GLUD1: variants seen among roughly 807,000 people sequenced by gnomAD.
The protein encoded by GLUD1 is glutamate dehydrogenase 1, also known as glutamate dehydrogenase 1, mitochondrial.
In GLUD1, 22 loss-of-function variants were observed where a neutral mutation model predicts 56.0. That is an observed-to-expected ratio of 0.39 (90% CI 0.28 to 0.56). The LOEUF is 0.56. Among genes scored for constraint, GLUD1 ranks in the 20% least tolerant of loss-of-function variants. GLUD1 has a pLI of 0.58. For synonymous variants in GLUD1, 223 were observed against 269.9 expected (o/e 0.83, Z 1.70); for missense variants, 451 against 732.0 (o/e 0.62, Z 4.43).
At chr10:87,056,807 CCATTGTTTTTGTTAATA>C (rs1358592963) in intron 11 of GLUD1, among the ~76,000 whole-genome samples, 1 of 151,918 alleles carries the variant, frequency 6.6e-6, no homozygotes, top group Non-Finnish European at 1.5e-5. Context: ...AACATAAGAT[CCATTGTTTTTGTTAATA>C]CATTAAAAAA....
At chr10:87,077,634 G>C (rs1215788528) in intron 1 of GLUD1, among the ~76,000 whole-genome samples, 1 of 151,132 alleles carries the variant, frequency 6.6e-6, no homozygotes, top group Non-Finnish European at 1.5e-5. Context: ...CCACAGCTTT[G>C]GCTTTGGGGG....
intron 1 of GLUD1, among the ~76,000 whole-genome samples, chr10:87,085,261 G>A (rs996886598): frequency 6.7e-5 from 10 of 149,444 alleles, no homozygotes; most frequent in African/African-American, 2.5e-4. Flanking sequence ...CAGGAGAATC[G>A]CTTAAACCTG....
intron 12 of GLUD1, among the ~76,000 whole-genome samples, 175 bp downstream of exon 12, chr10:87,053,167 T>C (rs1474727476): frequency 6.6e-6 from 1 of 152,186 alleles, no homozygotes; most frequent in Non-Finnish European, 1.5e-5. Flanking sequence ...TTGAAGACTC[T>C]AAAAAATTGC....
chr10:87,051,845 T>C lies in GLUD1; in HGVS notation c.1583A>G (p.Tyr528Cys). 2 of 1,614,190 alleles carry C rather than the reference T, an allele frequency of 1.2e-6. No individual in the cohort carries two copies. The highest frequency in any genetic ancestry group is 2.7e-5 in the African/African-American group (2 of 75,072). The change falls in exon 13 of 13, where the codon TAT becomes TGT. Residue 528 changes from tyrosine (Y) to cysteine (C), a missense_variant. Physicochemically the swap from Tyr to Cys is radical, Grantham distance 194. Coordinates refer to ENST00000277865, the MANE Select transcript of GLUD1 (RefSeq NM_005271.5). ...ARQIMRTAMK[Y>C]NLGLDLRTAA... The stretch of plus-strand genomic sequence containing the variant: ...TGTTCTCAGGTCCAATCCCAGGTTA[T>C]ACTTCATGGCTGTGCGCATAATTTG...
rs1283256655 is a variant in GLUD1, at chr10:87,059,462, C to A, written c.1279-189G>T. Among the ~76,000 whole-genome samples the A allele has an allele frequency of 3.0e-5, 4 of 131,440 alleles. No individual in the cohort carries two copies. In the East Asian group the frequency reaches 9.0e-4, roughly 30 times the overall value. 86.2% of individuals were successfully genotyped at this position (131,440 alleles called of 152,430 possible). Reference sequence around the variant, plus strand: ...CCATCCCACCCAATTCCATCTAAGGCTTTTTCTATTTAGGAAAAAAAAAAA... The same window carrying A: ...CCATCCCACCCAATTCCATCTAAGGATTTTTCTATTTAGGAAAAAAAAAAA... On this transcript the variant is annotated intron_variant, in intron 9 of 12. Transcript: ENST00000277865.
At chr10:87,057,918 G>A (rs1845830134) in intron 10 of GLUD1, 136 bp from the exon 11 acceptor site, 2 of 646,738 alleles carry the variant, frequency 3.1e-6, no homozygotes, top group African/African-American at 1.8e-5. Flanking sequence ...ACCCAGGCTG[G>A]AGTGTAGAGG....
chr10:87,081,597 T>C (rs547877978), intron 1 of GLUD1, among the ~76,000 whole-genome samples: 59 of 152,252 alleles, frequency 3.9e-4, no homozygotes, highest in Admixed American at 3.3e-3. Context: ...TTTTGTTCTG[T>C]ACTAAGAAAA....
intron 1 of GLUD1, among the ~76,000 whole-genome samples, chr10:87,087,086 A>C (rs527391951): frequency 6.6e-6 from 1 of 152,318 alleles, no homozygotes; most frequent in East Asian, 1.9e-4. Context: ...ACTTCTGTCC[A>C]ACTTGGCTAC....
intron 1 of GLUD1, among the ~76,000 whole-genome samples, chr10:87,081,845 G>A (rs1841263810): frequency 6.8e-6 from 1 of 146,818 alleles, no homozygotes; most frequent in African/African-American, 2.5e-5. Flanking sequence ...AGGAAAACCA[G>A]AGACCTTTGT....
chr10:87,085,348 CAA>C (rs10655872), intron 1 of GLUD1, among the ~76,000 whole-genome samples: 4 of 112,614 alleles, frequency 3.6e-5, no homozygotes, highest in Admixed American at 9.0e-5. Flanking sequence ...ACTCCGTCTC[CAA>C]AAAAAAAAAA....
At chr10:87,092,168 G>A (rs745973482) in intron 1 of GLUD1, among the ~76,000 whole-genome samples, 3 of 152,198 alleles carry the variant, frequency 2.0e-5, no homozygotes, top group Admixed American at 6.5e-5. Flanking sequence ...TGAACACAAA[G>A]CATGGAAGGC....
intron 12 of GLUD1, among the ~76,000 whole-genome samples, chr10:87,052,892 A>G (rs192909006): frequency 2.6e-4 from 39 of 152,274 alleles, no homozygotes; most frequent in African/African-American, 9.1e-4. Context: ...TTCATCATAA[A>G]TCCAAGCAGA....
intron 1 of GLUD1, among the ~76,000 whole-genome samples, chr10:87,089,037 G>A (rs1841452733): frequency 6.6e-6 from 1 of 152,122 alleles, no homozygotes; most frequent in African/African-American, 2.4e-5. Context: ...TAGAATAAAT[G>A]GACCTCTAGA....
intron 4 of GLUD1, among the ~76,000 whole-genome samples, chr10:87,068,392 T>C (rs1846134945): frequency 1.3e-5 from 2 of 152,232 alleles, no homozygotes; most frequent in Admixed American, 6.5e-5. Context: ...TGCTGTATGT[T>C]TGGAAGTTAG....
In GLUD1 at chr10:87,094,388, A is replaced by G; in HGVS notation, c.382T>C (p.Ser128Pro). The G allele has an allele frequency of 2.5e-6, 4 of 1,613,138 alleles. No individual in the cohort carries two copies. Among genetic ancestry groups the G allele is most frequent in the Non-Finnish European group, 1.7e-6 (2 of 1,179,850 alleles). Residue 128 changes from serine to proline, a missense_variant, in exon 1 of 13, where the codon TCC (serine) becomes CCC (proline). By Grantham distance (74) the Ser-to-Pro change is moderately conservative. Around this residue, in one of 4 missense-constraint regions of GLUD1, gnomAD observed 158 missense variants for 189.7 expected, o/e 0.83. Coordinates refer to ENST00000277865, the MANE Select transcript of GLUD1 (RefSeq NM_005271.5). This position sits in a 1 kb window ranked among gnomAD's most constrained non-coding sequence, Gnocchi z 6.6. The stretch of plus-strand genomic sequence containing the variant: ...CGGTAGCCTTCGATGACCTCCCAGG[A>G]GCCGTCGTCGCGCCGGATGGGGAAG... ...LSFPIRRDDG[S>P]WEVIEGYRAQ... is the part of the protein sequence containing the mutation.
At chr10:87,060,000 G>A (rs1168777711) in intron 9 of GLUD1, among the ~76,000 whole-genome samples, 161 bp downstream of exon 9, 1 of 152,168 alleles carries the variant, frequency 6.6e-6, no homozygotes, top group Non-Finnish European at 1.5e-5. Context: ...AAAATTAACA[G>A]GCTTAGAATT....
At chr10:87,074,903 A>G (rs1056977653) in intron 3 of GLUD1, among the ~76,000 whole-genome samples, 3 of 152,208 alleles carry the variant, frequency 2.0e-5, no homozygotes, top group African/African-American at 7.2e-5. Context: ...ATATAATTAT[A>G]TTCCATTTAA....
At chr10:87,091,709 A>G in intron 1 of GLUD1, 4 of 235,342 alleles carry the variant, frequency 1.7e-5, no homozygotes, top group Non-Finnish European at 2.8e-5. Context: ...TCTTATAACC[A>G]TCTGTTTCCC....
intron 12 of GLUD1, 76 bp from the exon 13 acceptor site, chr10:87,051,946 AGGCCTG>A (rs1183350754): frequency 9.1e-6 from 14 of 1,545,554 alleles, no homozygotes; most frequent in Non-Finnish European, 1.3e-5. Flanking sequence ...AGGCCCAGAC[AGGCCTG>A]GTCCAAGTTA....
Sources: allele counts gnomAD v4.1 joint callset (sites outside exome capture counted in the v4.1 genomes callset), GRCh38; gene constraint gnomAD v4.1.1; regional missense constraint gnomAD v4.1.1; non-coding constraint Gnocchi (gnomAD v3.1); transcripts MANE v1.5; gene names NCBI Gene and HGNC (gene_info 2026-07-23, HGNC 2026-07-21).